ATP5MJ: variants seen among roughly 807,000 people sequenced by gnomAD.
ATP5MJ encodes ATP synthase membrane subunit j, also known as ATP synthase F(0) complex subunit j, mitochondrial.
A neutral mutation model predicts 8.3 loss-of-function variants in ATP5MJ; 4 were observed. The observed-to-expected ratio is 0.48, with a 90% CI of 0.24 to 1.11. The LOEUF is 1.11. Ranked by LOEUF, ATP5MJ falls within the 50% of genes least tolerant of loss-of-function variation. The probability of loss-of-function intolerance (pLI) is 0.18; values close to 1 mark genes in which losing one functional copy is unlikely to be tolerated. For missense variants in ATP5MJ, 66 were observed against 71.8 expected (o/e 0.92, Z 0.29); for synonymous variants, 23 against 21.3 (o/e 1.08, Z -0.23).
chr14:103,920,619 C>A (rs1017844705), intron 1 of ATP5MJ, among the ~76,000 whole-genome samples: 5 of 151,036 alleles, frequency 3.3e-5, no homozygotes, highest in Admixed American at 2.0e-4. Context: ...CTACAGGTGC[C>A]TGCCACCACA....
At chr14:103,914,866 AAG>A (rs1199203320) in intron 2 of ATP5MJ, 198 bp downstream of exon 2, 21 of 536,720 alleles carry the variant, frequency 3.9e-5, no homozygotes, top group African/African-American at 3.1e-4. Context: ...AAGAAAAGAA[AAG>A]AAAAAAAAAA....
chr14:103,919,141 G>C (rs2087650481), intron 1 of ATP5MJ, among the ~76,000 whole-genome samples: 1 of 152,154 alleles, frequency 6.6e-6, no homozygotes. Context: ...CCAGCATCTC[G>C]GGAGGCCAAG....
chr14:103,917,395 A>C (rs1336092771), intron 1 of ATP5MJ, among the ~76,000 whole-genome samples: 1 of 78,852 alleles, frequency 1.3e-5, no homozygotes, highest in African/African-American at 3.4e-5. Context: ...ATGTCATTTA[A>C]GGGCCTTGGA....
intron 1 of ATP5MJ, among the ~76,000 whole-genome samples, chr14:103,916,094 T>C (rs929166468): frequency 1.3e-5 from 2 of 152,230 alleles, no homozygotes; most frequent in East Asian, 1.9e-4. Context: ...ATCTCCATCT[T>C]GAAGTCTATT....
At chr14:103,920,373 C>A (rs1042329237) in intron 1 of ATP5MJ, among the ~76,000 whole-genome samples, 7 of 151,758 alleles carry the variant, frequency 4.6e-5, no homozygotes, top group Non-Finnish European at 1.0e-4. Flanking sequence ...ACCTCGTGAT[C>A]CGCCCGCCTC....
chr14:103,914,569 G>T, intron 2 of ATP5MJ: 1 of 688,108 alleles, frequency 1.5e-6, no homozygotes. Flanking sequence ...GGGAAGCCAA[G>T]ATTGGAGGAC....
intron 2 of ATP5MJ, 36 bp from the exon 3 acceptor site, chr14:103,914,020 C>G (rs754409261): frequency 9.6e-6 from 15 of 1,570,254 alleles, no homozygotes; most frequent in Non-Finnish European, 1.3e-5. Flanking sequence ...GCAGTCATAT[C>G]AATGCTTTAC....
At position 103,912,556 on chromosome 14, in the gene ATP5MJ, G is replaced by A. The variant is rs753248554; in HGVS notation, c.*110C>T. 35 of 1,103,298 alleles carry A rather than the reference G, an allele frequency of 3.2e-5. No individual in the cohort carries two copies. Among genetic ancestry groups the A allele is most frequent in the Middle Eastern group, 4.0e-4 (2 of 4,986 alleles). The allele number at this position is 1,103,298 out of a possible 1,614,324, so 68.3% of individuals were successfully genotyped here. A position where few individuals can be genotyped will look rare whatever the true frequency, so the allele number is the denominator to read the frequency against. On this transcript the variant is annotated 3_prime_UTR_variant, in exon 4 of 4. Coordinates refer to ENST00000286953, the MANE Select transcript of ATP5MJ (RefSeq NM_004894.3). ...CATTTATTCATGCCATGAAGTAAACGGTACTTATACAAGTGTACAGTGACG... is the reference window on the plus strand; with the variant it reads ...CATTTATTCATGCCATGAAGTAAACAGTACTTATACAAGTGTACAGTGACG...
chr14:103,920,890 C>A, intron 1 of ATP5MJ: 1 of 1,305,542 alleles, frequency 7.7e-7, no homozygotes. Flanking sequence ...CTACTGTATC[C>A]ACTTAAGTCT....
intron 1 of ATP5MJ, chr14:103,920,946 C>A: frequency 6.4e-7 from 1 of 1,551,116 alleles, no homozygotes; most frequent in Non-Finnish European, 8.7e-7. Flanking sequence ...TTACCTGACA[C>A]TGGAAATGGG....
chr14:103,914,959 G>A, intron 2 of ATP5MJ, 107 bp downstream of exon 2: 1 of 1,407,334 alleles, frequency 7.1e-7, no homozygotes, highest in Non-Finnish European at 9.7e-7. Flanking sequence ...TAGCTCTAAT[G>A]TTCATACCTA....
At chr14:103,914,333 A>C (rs2087605563) in intron 2 of ATP5MJ, 1 of 537,702 alleles carries the variant, frequency 1.9e-6, no homozygotes, top group Non-Finnish European at 3.3e-6. Context: ...CTCCCCTCCA[A>C]ATTTTTTTAC....
At chr14:103,915,944 CTAA>C (rs1412552467) in intron 1 of ATP5MJ, among the ~76,000 whole-genome samples, 1 of 152,144 alleles carries the variant, frequency 6.6e-6, no homozygotes, top group Non-Finnish European at 1.5e-5. Flanking sequence ...GCACATGACT[CTAA>C]TGTCTAAATC....
intron 1 of ATP5MJ, chr14:103,917,953 T>A: frequency 6.6e-6 from 1 of 152,368 alleles, no homozygotes; most frequent in Middle Eastern, 3.4e-3. Context: ...CTCTTCCCTA[T>A]GAGAGGACTT....
chr14:103,920,357 C>T (rs2087666100), intron 1 of ATP5MJ, among the ~76,000 whole-genome samples: 2 of 151,270 alleles, frequency 1.3e-5, no homozygotes, highest in Admixed American at 1.3e-4. Flanking sequence ...TGGTCTCGAT[C>T]TCTTGACCTC....
At position 103,912,582 on chromosome 14, in the gene ATP5MJ, T is replaced by C; in HGVS notation, c.*84A>G. The C allele has an allele frequency of 1.4e-6, 2 of 1,396,454 alleles. No individual in the cohort carries two copies. Among genetic ancestry groups the C allele is most frequent in the Non-Finnish European group, 2.0e-6 (2 of 986,354 alleles). 86.5% of individuals were successfully genotyped at this position (1,396,454 alleles called of 1,614,324 possible). ...GTACTTATACAAGTGTACAGTGACG[T>C]TCCACGCTCCCCATCTAACACGGCT... On this transcript the variant is annotated 3_prime_UTR_variant, in exon 4 of 4. Transcript: ENST00000286953.
At chr14:103,914,843 A>AAAAAAAAG in intron 2 of ATP5MJ, 1 of 412,248 alleles carries the variant, frequency 2.4e-6, no homozygotes, top group East Asian at 4.9e-5. Context: ...TCTCCAAAAA[A>AAAAAAAAG]AAAAAAAAAA....
intron 2 of ATP5MJ, 44 bp from the exon 3 acceptor site, chr14:103,914,028 T>C: frequency 6.4e-7 from 1 of 1,556,468 alleles, no homozygotes; most frequent in South Asian, 1.2e-5. Context: ...ATCAATGCTT[T>C]ACAAAAATGC....
chr14:103,914,413 T>C (rs1279071558), intron 2 of ATP5MJ: 2 of 571,902 alleles, frequency 3.5e-6, no homozygotes, highest in Non-Finnish European at 6.3e-6. Context: ...AACCCATACC[T>C]TAAATATTTT....
Sources: gnomAD v4.1 joint callset for allele counts (sites outside exome capture counted in the v4.1 genomes callset) on GRCh38, gnomAD v4.1.1 for gene constraint, MANE v1.5 for transcripts, NCBI Gene and HGNC (gene_info 2026-07-23, HGNC 2026-07-21) for gene names.